GRWD1: variants seen among roughly 807,000 people sequenced by gnomAD.
GRWD1 encodes the protein glutamate rich WD repeat containing 1, also known as glutamate-rich WD repeat-containing protein 1.
GRWD1 carries 29 observed loss-of-function variants against 45.3 expected under a neutral mutation model. The ratio of observed to expected loss-of-function variants is 0.64; its 90% CI spans 0.48 to 0.87. The LOEUF (loss-of-function observed/expected upper bound fraction) is 0.87, where lower values mean the gene tolerates loss of function less well. Among genes scored for constraint, GRWD1 ranks in the 40% least tolerant of loss-of-function variants. The pLI, the probability that GRWD1 is intolerant of heterozygous loss-of-function variation, is 0.00. For synonymous variants in GRWD1, 262 were observed against 257.6 expected (o/e 1.02, Z -0.16); for missense variants, 592 against 618.8 (o/e 0.96, Z 0.46).
rs73942280 is a variant in GRWD1, at chr19:48,451,648, G to A, written c.1023+417G>A. Among the ~76,000 whole-genome samples the A allele has an allele frequency of 7.6e-3, 1,158 of 152,306 alleles. 8 individuals are homozygous for A. Among genetic ancestry groups the A allele is most frequent in the African/African-American group, 0.026 (1,091 of 41,566 alleles). On this transcript the variant is annotated intron_variant, in intron 6 of 6. Transcript: ENST00000253237. ...AGGCACAGAAAGGACAGGAGCCGCT[G>A]TGACATGACAGCCAAGCTAGAGGTT...
rs1971490969 is a variant in GRWD1 at position 48,452,790 on chromosome 19, T to TA, written c.1106_1107insA (p.Phe369LeufsTer22). 1 of 1,611,708 alleles carries TA rather than the reference T, an allele frequency of 6.2e-7. No homozygotes were observed. On this transcript the variant is annotated frameshift_variant, in exon 7 of 7. Coordinates refer to ENST00000253237, the MANE Select transcript of GRWD1 (RefSeq NM_031485.4). LOFTEE classifies it high-confidence loss of function. The surrounding 1 kb of genome is among the most constrained non-coding windows in gnomAD (Gnocchi z 5.1). ...TGGCACCCCCAGGACAGCGGGGTCT[T>TA]TGCAGCCTCGGGTGCAGACCACCAG...
rs1207153810 is a variant in GRWD1 at position 48,450,220 on chromosome 19, C to G, written c.469-93C>G. On this transcript the variant is annotated intron_variant, in intron 3 of 6. Transcript: ENST00000253237. This position sits in a 1 kb window ranked among gnomAD's most constrained non-coding sequence, Gnocchi z 5.1. ...CTGGGAGATCTGAGGAAGCGCACTT[C>G]TGGTTCTCTGGGATATGGGGAGCGT... 4 of 984,340 alleles carry G rather than the reference C, an allele frequency of 4.1e-6. No individual in the cohort carries two copies. Among genetic ancestry groups the G allele is most frequent in the African/African-American group, 1.6e-5 (1 of 62,034 alleles). 61.0% of individuals were successfully genotyped at this position (984,340 alleles called of 1,614,324 possible).
rs1433997870 is a variant in GRWD1, at chr19:48,456,727, G to A, written c.*3702G>A. 1 of 152,242 alleles carries A rather than the reference G, an allele frequency of 6.6e-6. No homozygotes were observed. The highest frequency in any genetic ancestry group is 1.5e-5 in the Non-Finnish European group (1 of 68,070). The allele number at this position is 152,242 out of a possible 1,614,324, so 9.4% of individuals were successfully genotyped here. A position where few individuals can be genotyped will look rare whatever the true frequency, so the allele number is the denominator to read the frequency against. The stretch of plus-strand genomic sequence containing the variant: ...TCCCCACCACAGGGCCAAGCGTTTG[G>A]TAACGTTGCAGTGAACCCTGAAGGC... On this transcript the variant is annotated 3_prime_UTR_variant, in exon 7 of 7. Transcript: ENST00000253237.
intron 3 of GRWD1, among the ~76,000 whole-genome samples, chr19:48,447,484 G>A (rs566871419): frequency 1.4e-4 from 21 of 151,100 alleles, no homozygotes; most frequent in Middle Eastern, 3.2e-3. Context: ...CTCGTGATCC[G>A]CCTGCCTCGG....
chr19:48,452,285 A>G lies in GRWD1; in HGVS notation c.1024-423A>G, dbSNP rs1392395399. On this transcript the variant is annotated intron_variant, in intron 6 of 6. Transcript: ENST00000253237. The surrounding 1 kb of genome is among the most constrained non-coding windows in gnomAD (Gnocchi z 5.1). ...GGCTAATTTTGTATTTTTAGTAGAG[A>G]TGGGGTTTCACCATGTTGTTCAGGC... 6.6e-6 allele frequency among the ~76,000 whole-genome samples: 1 copy of G among 151,680 alleles called. No individual in the cohort carries two copies. The highest frequency in any genetic ancestry group is 1.5e-5 in the Non-Finnish European group (1 of 67,932).
intron 3 of GRWD1, among the ~76,000 whole-genome samples, chr19:48,449,353 A>G (rs1294003587): frequency 6.6e-6 from 1 of 152,128 alleles, no homozygotes; most frequent in Non-Finnish European, 1.5e-5. Context: ...CGGCCTCCCA[A>G]AGTGCTGGGA....
Position 48,446,407 on chromosome 19 carries a change from C to G in GRWD1, c.210C>G (p.Asp70Glu). The G allele has an allele frequency of 6.2e-7, 1 of 1,614,222 alleles. No individual in the cohort carries two copies. The highest frequency in any genetic ancestry group is 8.5e-7 in the Non-Finnish European group (1 of 1,180,028). Residue 70 changes from aspartate to glutamate, a missense_variant, in exon 2 of 7, where the codon GAC becomes GAG. Asp to Glu is a conservative substitution (Grantham distance 45). Transcript: ENST00000253237. Reference protein sequence around the residue: ...AQTGAPCLSFDIVRDHLGDNR... With the variant: ...AQTGAPCLSFEIVRDHLGDNR... ...CAGGCGCCCCCTGTCTCAGCTTTGA[C>G]ATAGTCCGGGATCACCTGGGAGACA...
At chr19:48,449,146 C>G (rs544617354) in intron 3 of GRWD1, among the ~76,000 whole-genome samples, 2 of 151,990 alleles carry the variant, frequency 1.3e-5, no homozygotes, top group East Asian at 3.9e-4. Flanking sequence ...CAGGCCGGAG[C>G]GCAATGGTGC....
chr19:48,453,961 G>A lies in GRWD1; in HGVS notation c.*936G>A, dbSNP rs971389965. Reference sequence around the variant, plus strand: ...CCTATGAGGAAACGGGGTGTGGGGGGAGTTTGGGGGTGGGGAGGAATTTGG... The same window carrying A: ...CCTATGAGGAAACGGGGTGTGGGGGAAGTTTGGGGGTGGGGAGGAATTTGG... On this transcript the variant is annotated 3_prime_UTR_variant, in exon 7 of 7. Coordinates refer to ENST00000253237, the MANE Select transcript of GRWD1 (RefSeq NM_031485.4). 1 of 152,172 alleles carries A rather than the reference G, an allele frequency of 6.6e-6. No individual in the cohort carries two copies. The highest frequency in any genetic ancestry group is 2.4e-5 in the African/African-American group (1 of 41,398). 9.4% of individuals were successfully genotyped at this position (152,172 alleles called of 1,614,324 possible). A position where few individuals can be genotyped will look rare whatever the true frequency, so the allele number is the denominator to read the frequency against.
intron 3 of GRWD1, among the ~76,000 whole-genome samples, chr19:48,449,171 G>A (rs1971443078): frequency 6.6e-6 from 1 of 152,058 alleles, no homozygotes; most frequent in Admixed American, 6.6e-5. Context: ...TCGGCTCACT[G>A]CAACCTCTGA....
Position 48,450,062 on chromosome 19 carries a change from G to T in GRWD1, c.469-251G>T, listed in dbSNP as rs191132900. Reference sequence around the variant, plus strand: ...TGCAGCCTCAACTCCCAGGCATCCTGGGGCTCTATCCTCCCACCTCAGCTC... The same window carrying T: ...TGCAGCCTCAACTCCCAGGCATCCTTGGGCTCTATCCTCCCACCTCAGCTC... On this transcript the variant is annotated intron_variant, in intron 3 of 6. Coordinates refer to ENST00000253237, the MANE Select transcript of GRWD1 (RefSeq NM_031485.4). This position sits in a 1 kb window ranked among gnomAD's most constrained non-coding sequence, Gnocchi z 5.1. Among the ~76,000 whole-genome samples, 1 of 151,888 alleles carries T rather than the reference G, an allele frequency of 6.6e-6. No individual in the cohort carries two copies. The highest frequency in any genetic ancestry group is 1.5e-5 in the Non-Finnish European group (1 of 67,952).
chr19:48,456,398 G>A lies in GRWD1; in HGVS notation c.*3373G>A, dbSNP rs376927663. The A allele has an allele frequency of 3.3e-5, 5 of 152,316 alleles. No homozygotes were observed. In the East Asian group the frequency reaches 9.6e-4, roughly 29 times the overall value. The allele number at this position is 152,316 out of a possible 1,614,324, so 9.4% of individuals were successfully genotyped here. ...GCAGGGTTGTCAGGGGTGAGATAGA[G>A]TCAAGGTTGGGGTACACTGTGGGCA... is the stretch of plus-strand genomic sequence containing the variant. On this transcript the variant is annotated 3_prime_UTR_variant, in exon 7 of 7. Coordinates refer to ENST00000253237, the MANE Select transcript of GRWD1 (RefSeq NM_031485.4).
In GRWD1 at chr19:48,452,004, T is replaced by G. The variant is rs1403298005; in HGVS notation, c.1024-704T>G. 1.3e-5 allele frequency among the ~76,000 whole-genome samples: 2 copies of G among 152,340 alleles called. No individual in the cohort carries two copies. Among genetic ancestry groups the G allele is most frequent in the East Asian group, 3.9e-4 (2 of 5,180 alleles). ...ATTCTTAGTCTTTCTTTGGGTCGGC[T>G]TCCGGGGATTGTGTTTCTGCCTCCT... On this transcript the variant is annotated intron_variant, in intron 6 of 6. Transcript: ENST00000253237. This position sits in a 1 kb window ranked among gnomAD's most constrained non-coding sequence, Gnocchi z 5.1.
intron 2 of GRWD1, 22 bp downstream of exon 2, chr19:48,446,524 G>A: frequency 6.2e-7 from 1 of 1,608,394 alleles, no homozygotes. Context: ...GGCTTTTCCA[G>A]GACCAGGAGG....
In GRWD1 at chr19:48,453,814, CCCT is replaced by C. The variant is rs1352132439; in HGVS notation, c.*795_*797del. 2.0e-5 allele frequency: 3 copies of C among 152,424 alleles called. No homozygotes were observed. Among genetic ancestry groups the C allele is most frequent in the Admixed American group, 2.0e-4 (3 of 15,306 alleles). 9.4% of individuals were successfully genotyped at this position (152,424 alleles called of 1,614,324 possible). A position where few individuals can be genotyped will look rare whatever the true frequency, so the allele number is the denominator to read the frequency against. The stretch of plus-strand genomic sequence containing the variant: ...TGTGGGGGCTACATGCGACCCTCTC[CCCT>C]CCTCCCTGACTTTAGAGGCTGGTGC... On this transcript the variant is annotated 3_prime_UTR_variant, in exon 7 of 7. Transcript: ENST00000253237.
Position 48,453,128 on chromosome 19 carries a change from C to A in GRWD1, c.*103C>A, listed in dbSNP as rs1971495689. 1.9e-6 allele frequency: 2 copies of A among 1,035,046 alleles called. No homozygotes were observed. The highest frequency in any genetic ancestry group is 3.2e-5 in the South Asian group (2 of 62,526). The allele number at this position is 1,035,046 out of a possible 1,614,324, so 64.1% of individuals were successfully genotyped here. A position where few individuals can be genotyped will look rare whatever the true frequency, so the allele number is the denominator to read the frequency against. ...AGGTCTGTTGACTGAGACTGGCCGG[C>A]CTGTGGGCTGCCGTGATGGATTCTG... On this transcript the variant is annotated 3_prime_UTR_variant, in exon 7 of 7. Transcript: ENST00000253237.
chr19:48,446,828 C>T lies in GRWD1; in HGVS notation c.453C>T (p.Gly151=), dbSNP rs749387681. The T allele has an allele frequency of 6.2e-7, 1 of 1,613,290 alleles. No individual in the cohort carries two copies. The highest frequency in any genetic ancestry group is 1.1e-5 in the South Asian group (1 of 91,048). The part of the protein sequence containing the change: ...LELAMVPHYG[G]INRVRVSWLG... ...TGGCCATGGTGCCCCACTATGGTGG[C>T]ATCAACCGAGTTCGGGTAAGTATGG... Residue 151 remains glycine (G), a synonymous_variant, in exon 3 of 7, where the codon GGC becomes GGT. Transcript: ENST00000253237.
At position 48,446,170 on chromosome 19, in the gene GRWD1, G is replaced by C; in HGVS notation, c.165G>C (p.Val55=). The change falls in exon 1 of 7, where the codon GTG becomes GTC. Residue 55 remains valine, a synonymous_variant. Coordinates refer to ENST00000253237, the MANE Select transcript of GRWD1 (RefSeq NM_031485.4). ...TGGTCATGGACGAGGAGGCCTATGT[G>C]CTCTACCACCGAGCGCAGACTGGTA... is the stretch of plus-strand genomic sequence containing the variant. ...EELVMDEEAY[V]LYHRAQTGAP... is the part of the protein sequence containing the mutation. 1 of 1,603,264 alleles carries C rather than the reference G, an allele frequency of 6.2e-7. No homozygotes were observed. Among genetic ancestry groups the C allele is most frequent in the East Asian group, 2.2e-5 (1 of 44,716 alleles).
chr19:48,447,674 C>G (rs977766212), intron 3 of GRWD1, among the ~76,000 whole-genome samples: 1 of 152,222 alleles, frequency 6.6e-6, no homozygotes, highest in Admixed American at 6.5e-5. Context: ...AGCCACCACA[C>G]CCGGCCTCCT....
Sources: gnomAD v4.1 joint callset for allele counts (sites outside exome capture counted in the v4.1 genomes callset) on GRCh38, gnomAD v4.1.1 for gene constraint, Gnocchi (gnomAD v3.1) non-coding constraint, MANE v1.5 for transcripts, NCBI Gene and HGNC (gene_info 2026-07-23, HGNC 2026-07-21) for gene names.